Variants in CCDC24 observed in about 807,000 individuals in gnomAD.
CCDC24 encodes the protein coiled-coil domain containing 24.
Under a neutral mutation model 31.6 loss-of-function variants are expected in CCDC24, and 34 were observed. That is an observed-to-expected ratio of 1.08 (90% confidence interval 0.82 to 1.43). The LOEUF (loss-of-function observed/expected upper bound fraction) is 1.43, where lower values mean the gene tolerates loss of function less well. CCDC24 is among the 40% of genes most tolerant of loss of function. CCDC24 has a pLI of 0.00. For synonymous variants in CCDC24, 175 were observed against 157.3 expected (o/e 1.11, Z -0.84); for missense variants, 426 against 391.1 (o/e 1.09, Z -0.75).
Position 43,991,722 on chromosome 1 carries a change from C to A in CCDC24, c.-57C>A, listed in dbSNP as rs760392434. 8 of 997,410 alleles carry A rather than the reference C, an allele frequency of 8.0e-6. No homozygotes were observed. In the South Asian group the frequency reaches 1.1e-4, roughly 14 times the overall value. The allele number at this position is 997,410 out of a possible 1,614,324, so 61.8% of individuals were successfully genotyped here. A position where few individuals can be genotyped will look rare whatever the true frequency, so the allele number is the denominator to read the frequency against. On this transcript the variant is annotated 5_prime_UTR_variant, in exon 1 of 9. Transcript: ENST00000372318. Reference sequence around the variant, plus strand: ...CAGTTCCGGAACGGGCAATCCCAGCCGAGGGGACCAGCGGCAGAGCACGGG... The same window carrying A: ...CAGTTCCGGAACGGGCAATCCCAGCAGAGGGGACCAGCGGCAGAGCACGGG...
In CCDC24 at chr1:43,992,010, G is replaced by A. The variant is rs1379843767; in HGVS notation, c.126+6G>A. On this transcript the variant is annotated splice_donor_region_variant and intron_variant, in intron 2 of 8. Coordinates refer to ENST00000372318, the MANE Select transcript of CCDC24 (RefSeq NM_152499.4). ...GCCTGGAGCTGCGGGCGGAGGTGGG[G>A]AGAGGGAAGGTGGGCCACGCCCCTG... 2 of 1,494,334 alleles carry A rather than the reference G, an allele frequency of 1.3e-6. No individual in the cohort carries two copies. The highest frequency in any genetic ancestry group is 1.8e-6 in the Non-Finnish European group (2 of 1,114,932). 92.6% of individuals were successfully genotyped at this position (1,494,334 alleles called of 1,614,324 possible).
At position 43,992,377 on chromosome 1, in the gene CCDC24, T is replaced by C. The variant is rs1039615890; in HGVS notation, c.292T>C (p.Cys98Arg). The change falls in exon 3 of 9, where the codon TGT becomes CGT. Residue 98 changes from cysteine to arginine, a missense_variant. Transcript: ENST00000372318. ...CCAGGGTCTCCGCCACAAAGCCATC[T>C]GTGAGGGCAGGTGGGAGCCTCAGGC... ...LLQGLRHKAI[C>R]EGRDQAQAWV... 4 of 1,614,036 alleles carry C rather than the reference T, an allele frequency of 2.5e-6. No homozygotes were observed. In the African/African-American group the frequency reaches 5.3e-5, roughly 22 times the overall value.
rs2085762089 is a variant in CCDC24, at chr1:43,992,365, C to T, written c.280C>T (p.His94Tyr). ...ELRQLLQGLR[H>Y]KAICEGRDQA... ...CCGGCAGTTGCTCCAGGGTCTCCGC[C>T]ACAAAGCCATCTGTGAGGGCAGGTG... Residue 94 changes from histidine to tyrosine, a missense_variant, in exon 3 of 9, where the codon CAC becomes TAC. His to Tyr is a moderately conservative substitution (Grantham distance 83). Transcript: ENST00000372318. 1 of 1,614,182 alleles carries T rather than the reference C, an allele frequency of 6.2e-7. No individual in the cohort carries two copies. The highest frequency in any genetic ancestry group is 8.5e-7 in the Non-Finnish European group (1 of 1,180,014).
At position 43,995,263 on chromosome 1, in the gene CCDC24, C is replaced by T. The variant is rs2085819463; in HGVS notation, c.552+101C>T. The T allele has an allele frequency of 1.7e-6, 2 of 1,187,124 alleles. No homozygotes were observed. The highest frequency in any genetic ancestry group is 2.6e-5 in the South Asian group (2 of 75,954). 73.5% of individuals were successfully genotyped at this position (1,187,124 alleles called of 1,614,324 possible). A position where few individuals can be genotyped will look rare whatever the true frequency, so the allele number is the denominator to read the frequency against. ...CTGTGTGCATACATAGGTGCATGTACAGGCTATGTGAGTCCTGCATCCATT... is the reference window on the plus strand; with the variant it reads ...CTGTGTGCATACATAGGTGCATGTATAGGCTATGTGAGTCCTGCATCCATT... On this transcript the variant is annotated intron_variant, in intron 6 of 8. Transcript: ENST00000372318. This position sits in a 1 kb window ranked among gnomAD's most constrained non-coding sequence, Gnocchi z 4.3.
rs2085859338 is a variant in CCDC24, at chr1:43,996,355, C to T, written c.*195C>T. The T allele has an allele frequency of 1.8e-6, 1 of 566,094 alleles. No individual in the cohort carries two copies. Among genetic ancestry groups the T allele is most frequent in the Non-Finnish European group, 3.1e-6 (1 of 325,180 alleles). The allele number at this position is 566,094 out of a possible 1,614,324, so 35.1% of individuals were successfully genotyped here. On this transcript the variant is annotated 3_prime_UTR_variant, in exon 9 of 9. Transcript: ENST00000372318. Reference sequence around the variant, plus strand: ...TGGTGTCTGGAGCTGAGTGGCCGGGCATCGGTCCCAAGCATCAAAGCCTTT... The same window carrying T: ...TGGTGTCTGGAGCTGAGTGGCCGGGTATCGGTCCCAAGCATCAAAGCCTTT...
At chr1:43,994,276 T>C in intron 5 of CCDC24, 1 of 372,724 alleles carries the variant, frequency 2.7e-6, no homozygotes, top group Non-Finnish European at 5.0e-6. Context: ...GAAAACCCCA[T>C]CTCTACCAAA....
At position 43,996,304 on chromosome 1, in the gene CCDC24, C is replaced by T. The variant is rs879388266; in HGVS notation, c.*144C>T. On this transcript the variant is annotated 3_prime_UTR_variant, in exon 9 of 9. Coordinates refer to ENST00000372318, the MANE Select transcript of CCDC24 (RefSeq NM_152499.4). ...CCCAAGGCTGTTGGTCTGTCTGGCCCTTGCCCCACCCCCTTGCCAGATCCC... is the reference window on the plus strand; with the variant it reads ...CCCAAGGCTGTTGGTCTGTCTGGCCTTTGCCCCACCCCCTTGCCAGATCCC... 1.9e-4 allele frequency: 137 copies of T among 722,942 alleles called. 1 individual carries two copies. The highest frequency in any genetic ancestry group is 2.7e-4 in the Non-Finnish European group (120 of 452,288). 44.8% of individuals were successfully genotyped at this position (722,942 alleles called of 1,614,324 possible).
intron 4 of CCDC24, 78 bp downstream of exon 4, chr1:43,992,717 C>T: frequency 7.6e-7 from 1 of 1,321,886 alleles, no homozygotes; most frequent in Non-Finnish European, 1.1e-6. Flanking sequence ...GCACCTGGCT[C>T]CATGCAGGAG....
chr1:43,995,698 AC>A lies in CCDC24; in HGVS notation c.622+31del, dbSNP rs548289375. 6.2e-7 allele frequency: 1 copy of A among 1,613,060 alleles called. No homozygotes were observed. The highest frequency in any genetic ancestry group is 8.5e-7 in the Non-Finnish European group (1 of 1,179,350). ...GAGGACACGGAGCAGGGCCCAGAAC[AC>A]CCAGCCTCCTGCTCCCACCCCACAC... is the stretch of plus-strand genomic sequence containing the variant. On this transcript the variant is annotated intron_variant, in intron 7 of 8. Transcript: ENST00000372318. This position sits in a 1 kb window ranked among gnomAD's most constrained non-coding sequence, Gnocchi z 4.3.
At position 43,995,860 on chromosome 1, in the gene CCDC24, A is replaced by G. The variant is rs1336186753; in HGVS notation, c.701+4A>G. On this transcript the variant is annotated splice_donor_region_variant and intron_variant, in intron 8 of 8. Coordinates refer to ENST00000372318, the MANE Select transcript of CCDC24 (RefSeq NM_152499.4). This position sits in a 1 kb window ranked among gnomAD's most constrained non-coding sequence, Gnocchi z 4.3. ...CTTGTGTCTCTCCCAACCACAGGTA[A>G]ACCACAACAGTAGACACAGGGCAGG... 3 of 1,614,218 alleles carry G rather than the reference A, an allele frequency of 1.9e-6. No individual in the cohort carries two copies. Among genetic ancestry groups the G allele is most frequent in the Non-Finnish European group, 2.5e-6 (3 of 1,180,024 alleles).
At position 43,995,284 on chromosome 1, in the gene CCDC24, C is replaced by T; in HGVS notation, c.552+122C>T. 2 of 1,047,440 alleles carry T rather than the reference C, an allele frequency of 1.9e-6. No individual in the cohort carries two copies. Among genetic ancestry groups the T allele is most frequent in the Non-Finnish European group, 2.8e-6 (2 of 710,590 alleles). The allele number at this position is 1,047,440 out of a possible 1,614,324, so 64.9% of individuals were successfully genotyped here. A position where few individuals can be genotyped will look rare whatever the true frequency, so the allele number is the denominator to read the frequency against. ...TGTACAGGCTATGTGAGTCCTGCAT[C>T]CATTTCTCAGGGGTGCATGCTTGTG... On this transcript the variant is annotated intron_variant, in intron 6 of 8. Coordinates refer to ENST00000372318, the MANE Select transcript of CCDC24 (RefSeq NM_152499.4). The surrounding 1 kb of genome is among the most constrained non-coding windows in gnomAD (Gnocchi z 4.3).
chr1:43,995,302 T>A lies in CCDC24; in HGVS notation c.552+140T>A. 4 of 918,372 alleles carry A rather than the reference T, an allele frequency of 4.4e-6. No homozygotes were observed. Among genetic ancestry groups the A allele is most frequent in the Non-Finnish European group, 6.6e-6 (4 of 604,450 alleles). The allele number at this position is 918,372 out of a possible 1,614,324, so 56.9% of individuals were successfully genotyped here. A position where few individuals can be genotyped will look rare whatever the true frequency, so the allele number is the denominator to read the frequency against. ...CCTGCATCCATTTCTCAGGGGTGCA[T>A]GCTTGTGTGCACCTGCAAAATCCTG... On this transcript the variant is annotated intron_variant, in intron 6 of 8. Transcript: ENST00000372318. The surrounding 1 kb of genome is among the most constrained non-coding windows in gnomAD (Gnocchi z 4.3).
chr1:43,995,539 C>G lies in CCDC24; in HGVS notation c.553-62C>G, dbSNP rs2085826495. The G allele has an allele frequency of 6.7e-7, 1 of 1,496,290 alleles. No individual in the cohort carries two copies. Among genetic ancestry groups the G allele is most frequent in the Non-Finnish European group, 9.0e-7 (1 of 1,112,660 alleles). 92.7% of individuals were successfully genotyped at this position (1,496,290 alleles called of 1,614,324 possible). A position where few individuals can be genotyped will look rare whatever the true frequency, so the allele number is the denominator to read the frequency against. On this transcript the variant is annotated intron_variant, in intron 6 of 8. Transcript: ENST00000372318. This position sits in a 1 kb window ranked among gnomAD's most constrained non-coding sequence, Gnocchi z 4.3. Reference sequence around the variant, plus strand: ...GGGCCTGCCCTGGGGATCTTGGCCTCTGTATCCTGCCTTGCCCCACCCCTG... The same window carrying G: ...GGGCCTGCCCTGGGGATCTTGGCCTGTGTATCCTGCCTTGCCCCACCCCTG...
chr1:43,991,722 C>G lies in CCDC24; in HGVS notation c.-57C>G, dbSNP rs760392434. Reference sequence around the variant, plus strand: ...CAGTTCCGGAACGGGCAATCCCAGCCGAGGGGACCAGCGGCAGAGCACGGG... The same window carrying G: ...CAGTTCCGGAACGGGCAATCCCAGCGGAGGGGACCAGCGGCAGAGCACGGG... On this transcript the variant is annotated 5_prime_UTR_variant, in exon 1 of 9. Transcript: ENST00000372318. 16 of 997,410 alleles carry G rather than the reference C, an allele frequency of 1.6e-5. No homozygotes were observed. In the South Asian group the frequency reaches 2.2e-4, roughly 14 times the overall value. The allele number at this position is 997,410 out of a possible 1,614,324, so 61.8% of individuals were successfully genotyped here.
rs1251177607 is a variant in CCDC24 at position 43,995,107 on chromosome 1, G to A, written c.498-1G>A. The A allele has an allele frequency of 6.3e-7, 1 of 1,580,128 alleles. No homozygotes were observed. The highest frequency in any genetic ancestry group is 1.3e-5 in the African/African-American group (1 of 74,172). ...CTGGCTGCTGCTCCCTCATGTCCCA[G>A]GGGCCTTCTGGAGGAGGAGTGTCAC... On this transcript the variant is annotated splice_acceptor_variant, in intron 5 of 8. Transcript: ENST00000372318. LOFTEE classifies it high-confidence loss of function. The surrounding 1 kb of genome is among the most constrained non-coding windows in gnomAD (Gnocchi z 4.3).
chr1:43,994,718 G>T, intron 5 of CCDC24: 1 of 224,964 alleles, frequency 4.4e-6, no homozygotes, highest in East Asian at 1.1e-4. Flanking sequence ...TGGGATTACA[G>T]GCATGAGCCA....
chr1:43,996,015 GC>G lies in CCDC24; in HGVS notation c.781del (p.Leu261CysfsTer54). On this transcript the variant is annotated frameshift_variant, in exon 9 of 9. Coordinates refer to ENST00000372318, the MANE Select transcript of CCDC24 (RefSeq NM_152499.4). LOFTEE classifies it low-confidence loss of function (END_TRUNC). ...TGCGGGGTTGCACCTCTCCAGTGCT[GC>G]CTGCCTGCACCTCCTCTGGAGCCCT... is the stretch of plus-strand genomic sequence containing the variant. ...PLCGVAPLQCCLPAPPLEPYL... is the reference protein window; with the variant it reads ...PLCGVAPLQCXLPAPPLEPYL... 1 of 1,614,152 alleles carries G rather than the reference GC, an allele frequency of 6.2e-7. No individual in the cohort carries two copies. The highest frequency in any genetic ancestry group is 1.1e-5 in the South Asian group (1 of 91,082).
chr1:43,992,346 G>T lies in CCDC24; in HGVS notation c.261G>T (p.Gln87His). ...LKDLLRQELR[Q>H]LLQGLRHKAI... is the part of the protein sequence containing the mutation. ...ACCTCTTGCGCCAGGAGCTCCGGCA[G>T]TTGCTCCAGGGTCTCCGCCACAAAG... Residue 87 changes from glutamine (Q) to histidine (H), a missense_variant, in exon 3 of 9, where the codon CAG (glutamine) becomes CAT (histidine). Coordinates refer to ENST00000372318, the MANE Select transcript of CCDC24 (RefSeq NM_152499.4). 6.2e-7 allele frequency: 1 copy of T among 1,614,216 alleles called. No individual in the cohort carries two copies. The highest frequency in any genetic ancestry group is 1.1e-5 in the South Asian group (1 of 91,082).
chr1:43,991,755 T>G lies in CCDC24; in HGVS notation c.-33+9T>G. The G allele has an allele frequency of 7.9e-7, 1 of 1,268,944 alleles. No individual in the cohort carries two copies. The highest frequency in any genetic ancestry group is 1.1e-6 in the Non-Finnish European group (1 of 903,244). The allele number at this position is 1,268,944 out of a possible 1,614,324, so 78.6% of individuals were successfully genotyped here. A position where few individuals can be genotyped will look rare whatever the true frequency, so the allele number is the denominator to read the frequency against. ...CCAGCGGCAGAGCACGGGTGGGGCT[T>G]GGGAGAGGGCGGGGCCCATAGAGGG... On this transcript the variant is annotated intron_variant, in intron 1 of 8. Coordinates refer to ENST00000372318, the MANE Select transcript of CCDC24 (RefSeq NM_152499.4).
Sources: allele counts gnomAD v4.1 joint callset, GRCh38; gene constraint gnomAD v4.1.1; non-coding constraint Gnocchi (gnomAD v3.1); transcripts MANE v1.5; gene names NCBI Gene and HGNC (gene_info 2026-07-23, HGNC 2026-07-21).